GSG1L: variants seen among roughly 807,000 people sequenced by gnomAD.
The protein encoded by GSG1L is germ cell-specific gene 1-like protein.
In GSG1L, 24 loss-of-function variants were observed where a neutral mutation model predicts 42.1. That is an observed-to-expected ratio of 0.57 (90% confidence interval 0.41 to 0.80). The LOEUF (loss-of-function observed/expected upper bound fraction) is 0.80. GSG1L is among the 30% of genes least tolerant of loss of function. The pLI, the probability that GSG1L is intolerant of heterozygous loss-of-function variation, is 0.00. For synonymous variants in GSG1L, 215 were observed against 203.5 expected, an observed-to-expected ratio of 1.06 and a Z score of -0.48; for missense variants, 445 against 472.2, an observed-to-expected ratio of 0.94 and a Z score of 0.53.
chr16:27,826,619 CT>C (rs1267218495), intron 5 of GSG1L, among the ~76,000 whole-genome samples: 2 of 152,150 alleles, frequency 1.3e-5, no homozygotes, highest in Non-Finnish European at 2.9e-5. Flanking sequence ...AGGCTGATCC[CT>C]GCTAAGGGCA....
intron 3 of GSG1L, among the ~76,000 whole-genome samples, chr16:27,883,252 A>G (rs1412796675): frequency 7.6e-6 from 1 of 131,388 alleles, no homozygotes; most frequent in African/African-American, 2.7e-5. Flanking sequence ...GAGTAAATAA[A>G]TAAAAGATGG....
At chr16:28,055,793 G>C (rs2086272472) in intron 1 of GSG1L, among the ~76,000 whole-genome samples, 1 of 152,056 alleles carries the variant, frequency 6.6e-6, no homozygotes. Context: ...TTCTTATCTG[G>C]GGTCGAGTTT....
chr16:27,944,116 G>A (rs2084836165), intron 2 of GSG1L, among the ~76,000 whole-genome samples: 3 of 152,162 alleles, frequency 2.0e-5, no homozygotes, highest in Non-Finnish European at 2.9e-5. Flanking sequence ...AGGGGCTTCT[G>A]GGAGTCTGAC....
intron 1 of GSG1L, among the ~76,000 whole-genome samples, chr16:27,965,601 T>C (rs2085122905): frequency 6.6e-6 from 1 of 152,202 alleles, no homozygotes; most frequent in Non-Finnish European, 1.5e-5. Flanking sequence ...AAGTCTTCAC[T>C]GCATCCCCAG....
chr16:27,870,312 C>A (rs192565371), intron 3 of GSG1L, among the ~76,000 whole-genome samples: 14 of 149,286 alleles, frequency 9.4e-5, no homozygotes, highest in Admixed American at 9.3e-4. Context: ...TCTCTCTCCT[C>A]TCTCTCTGTC....
At chr16:27,894,712 G>C (rs872929) in intron 2 of GSG1L, among the ~76,000 whole-genome samples, 10,081 of 152,228 alleles carry the variant, frequency 0.066, 637 homozygotes, top group East Asian at 0.16. Context: ...AGAGGCCATG[G>C]AGAGCTGTAG....
At chr16:27,918,456 A>C (rs761608965) in intron 2 of GSG1L, among the ~76,000 whole-genome samples, 32 of 152,104 alleles carry the variant, frequency 2.1e-4, no homozygotes, top group Non-Finnish European at 3.8e-4. Flanking sequence ...TCAGGAGCTC[A>C]AGACTAGCCT....
chr16:27,796,472 T>C (rs2082819255), intron 6 of GSG1L, among the ~76,000 whole-genome samples: 1 of 152,222 alleles, frequency 6.6e-6, no homozygotes. Context: ...TCATCTTGCC[T>C]TTGAGGCATG....
rs563588904 is a variant in GSG1L at position 28,033,350 on chromosome 16, T to A, written c.349+29726A>T. On this transcript the variant is annotated intron_variant, in intron 1 of 6. Coordinates refer to ENST00000447459, the MANE Select transcript of GSG1L (RefSeq NM_001109763.2). ...GTGTGATGTGATGCCATTTATTTTT[T>A]AAAAATGAAATATTAACAGATGAAT... 3.9e-5 allele frequency among the ~76,000 whole-genome samples: 6 copies of A among 152,334 alleles called. No homozygotes were observed. The East Asian group carries it at 5.8e-4, about 15-fold the overall frequency.
At chr16:27,867,856 A>G (rs1041939828) in intron 3 of GSG1L, among the ~76,000 whole-genome samples, 1 of 151,952 alleles carries the variant, frequency 6.6e-6, no homozygotes, top group Admixed American at 6.5e-5. Flanking sequence ...CTCAAAGTCC[A>G]GCTTTCCGGC....
rs1297420540 is a variant in GSG1L, at chr16:28,040,978, A to G, written c.349+22098T>C. ...AGGACTGCACCTCCGTGTCCTCTCA[A>G]TCTCACATCAACCCCTAAGATGTTT... On this transcript the variant is annotated intron_variant, in intron 1 of 6. Coordinates refer to ENST00000447459, the MANE Select transcript of GSG1L (RefSeq NM_001109763.2). The surrounding 1 kb of genome is among the most constrained non-coding windows in gnomAD (Gnocchi z 4.1). Among the ~76,000 whole-genome samples the G allele has an allele frequency of 2.6e-5, 4 of 152,198 alleles. No individual in the cohort carries two copies. The highest frequency in any genetic ancestry group is 2.6e-4 in the Admixed American group (4 of 15,284).
At chr16:27,830,742 C>G (rs567508290) in intron 4 of GSG1L, among the ~76,000 whole-genome samples, 1 of 152,354 alleles carries the variant, frequency 6.6e-6, no homozygotes, top group South Asian at 2.1e-4. Flanking sequence ...CAGATACTCT[C>G]TCCTGAGCAA....
At position 27,884,577 on chromosome 16, in the gene GSG1L, G is replaced by A; in HGVS notation, c.459C>T (p.Phe153=). 1 of 1,612,968 alleles carries A rather than the reference G, an allele frequency of 6.2e-7. No individual in the cohort carries two copies. Among genetic ancestry groups the A allele is most frequent in the Non-Finnish European group, 8.5e-7 (1 of 1,179,552 alleles). Reference sequence around the variant, plus strand: ...GGAAGAGCTCGAGACACATGAGGCTGAAGCCAACCACCAGCAGCAGAATGT... The same window carrying A: ...GGAAGAGCTCGAGACACATGAGGCTAAAGCCAACCACCAGCAGCAGAATGT... ...VLYILLLVVG[F]SLMCLELFHS... The change falls in exon 3 of 7, where the codon TTC becomes TTT. Residue 153 remains phenylalanine, a synonymous_variant. Coordinates refer to ENST00000447459, the MANE Select transcript of GSG1L (RefSeq NM_001109763.2). This position sits in a 1 kb window ranked among gnomAD's most constrained non-coding sequence, Gnocchi z 4.4.
intron 1 of GSG1L, among the ~76,000 whole-genome samples, chr16:28,051,107 G>A (rs205407): frequency 0.48 from 73,005 of 151,948 alleles, 17,824 homozygotes; most frequent in East Asian, 0.69. Flanking sequence ...TGAAAGAAGG[G>A]ATGAGAATTT....
At chr16:27,939,948 C>T (rs1179531818) in intron 2 of GSG1L, among the ~76,000 whole-genome samples, 10 of 152,186 alleles carry the variant, frequency 6.6e-5, no homozygotes, top group Middle Eastern at 3.4e-3. Flanking sequence ...CCCAAAGTGC[C>T]GGGATTACAG....
chr16:27,926,045 T>C (rs986076600), intron 2 of GSG1L, among the ~76,000 whole-genome samples: 30 of 152,338 alleles, frequency 2.0e-4, no homozygotes, highest in African/African-American at 7.0e-4. Flanking sequence ...TGTTTGTTAA[T>C]TGAGGCGGGG....
At chr16:27,874,915 G>A (rs1420190283) in intron 3 of GSG1L, among the ~76,000 whole-genome samples, 2 of 152,164 alleles carry the variant, frequency 1.3e-5, no homozygotes, top group Non-Finnish European at 2.9e-5. Context: ...TCTGAAGTGG[G>A]GGCAGTCTTG....
chr16:27,946,601 G>A (rs1156908064), intron 2 of GSG1L, among the ~76,000 whole-genome samples: 29 of 6,390 alleles, frequency 4.5e-3, no homozygotes, highest in Admixed American at 9.9e-3. Context: ...GAGAGAGAGA[G>A]AGAGAGAGAG....
At chr16:27,791,543 C>A in intron 6 of GSG1L, 76 bp from the exon 7 acceptor site, 1 of 939,130 alleles carries the variant, frequency 1.1e-6, no homozygotes, top group Non-Finnish European at 1.5e-6. Flanking sequence ...CGCCCCCCAC[C>A]CACACATCCA....
Sources: gnomAD v4.1 joint callset for allele counts (sites outside exome capture counted in the v4.1 genomes callset) on GRCh38, gnomAD v4.1.1 for gene constraint, Gnocchi (gnomAD v3.1) non-coding constraint, MANE v1.5 for transcripts, NCBI Gene and HGNC (gene_info 2026-07-23, HGNC 2026-07-21) for gene names.